Variants in CSMD1 observed in about 807,000 individuals in gnomAD.
CSMD1 encodes CUB and sushi domain-containing protein 1.
Under a neutral mutation model 417.5 loss-of-function variants are expected in CSMD1, and 213 were observed. The observed-to-expected ratio is 0.51, with a 90% CI of 0.46 to 0.57. The LOEUF (loss-of-function observed/expected upper bound fraction) is 0.57. CSMD1 is among the 20% of genes least tolerant of loss of function. CSMD1 has a pLI of 0.00. For missense variants in CSMD1, 6,923 were observed against 4,529.7 expected (o/e 1.53, Z -15.17); for synonymous variants, 2,862 against 1,736.8 (o/e 1.65, Z -16.11).
intron 3 of CSMD1, among the ~76,000 whole-genome samples, chr8:4,277,860 G>C (rs1055465936): frequency 5.9e-5 from 9 of 152,000 alleles, no homozygotes; most frequent in African/African-American, 1.9e-4. Flanking sequence ...CCATTCTCCT[G>C]CCTCAGCCTC....
intron 3 of CSMD1, among the ~76,000 whole-genome samples, chr8:4,250,381 C>G (rs1300979110): frequency 6.6e-6 from 1 of 151,986 alleles, no homozygotes; most frequent in African/African-American, 2.4e-5. Flanking sequence ...GCATAGTGTC[C>G]CCAAGATAAG....
chr8:3,767,662 G>T (rs1269626599), intron 5 of CSMD1, among the ~76,000 whole-genome samples: 1 of 151,918 alleles, frequency 6.6e-6, no homozygotes, highest in Non-Finnish European at 1.5e-5. Context: ...TATGATATAT[G>T]GTATACAAGT....
chr8:4,735,767 G>A (rs1249795606), intron 1 of CSMD1, among the ~76,000 whole-genome samples: 1 of 152,084 alleles, frequency 6.6e-6, no homozygotes, highest in Non-Finnish European at 1.5e-5. Context: ...CTAGTTGTCA[G>A]CCGAGGATTT....
Position 3,523,008 on chromosome 8 carries a change from C to T in CSMD1, c.1345-29282G>A, listed in dbSNP as rs959678839. Among the ~76,000 whole-genome samples, 112 of 112,106 alleles carry T rather than the reference C, an allele frequency of 1.0e-3. 1 individual carries two copies. Among genetic ancestry groups the T allele is most frequent in the African/African-American group, 2.9e-3 (75 of 25,818 alleles). 73.5% of individuals were successfully genotyped at this position (112,106 alleles called of 152,430 possible). A position where few individuals can be genotyped will look rare whatever the true frequency, so the allele number is the denominator to read the frequency against. The stretch of plus-strand genomic sequence containing the variant: ...CATACAAAATGGAGATACATATATA[C>T]ACACACCCACACACACACACACACA... On this transcript the variant is annotated intron_variant, in intron 10 of 69. Coordinates refer to ENST00000635120, the MANE Select transcript of CSMD1 (RefSeq NM_033225.6).
chr8:4,984,774 C>T (rs67446253), intron 1 of CSMD1, among the ~76,000 whole-genome samples: 34,862 of 152,106 alleles, frequency 0.23, 5,088 homozygotes, highest in Non-Finnish European at 0.33. Context: ...GAAAAACCCC[C>T]AGATTCTTGC....
intron 1 of CSMD1, among the ~76,000 whole-genome samples, chr8:4,970,068 CA>C (rs533640390): frequency 1.3e-5 from 2 of 151,996 alleles, no homozygotes; most frequent in Non-Finnish European, 2.9e-5. Flanking sequence ...ACAGAAATGA[CA>C]AAAGTATTCA....
chr8:3,473,753 T>C (rs1251302189), intron 11 of CSMD1, among the ~76,000 whole-genome samples: 2 of 152,134 alleles, frequency 1.3e-5, no homozygotes, highest in Non-Finnish European at 2.9e-5. Context: ...TCTGTATGGG[T>C]GTATCAGTCT....
chr8:4,890,265 G>C (rs1425602153), intron 1 of CSMD1, among the ~76,000 whole-genome samples: 5 of 152,088 alleles, frequency 3.3e-5, no homozygotes, highest in Admixed American at 2.0e-4. Flanking sequence ...GAGTGAATTT[G>C]GTGAGAAACG....
Position 4,372,202 on chromosome 8 carries a change from A to C in CSMD1, c.415+47751T>G, listed in dbSNP as rs79149025. 3.3e-3 allele frequency among the ~76,000 whole-genome samples: 508 copies of C among 152,328 alleles called. 27 individuals are homozygous for C. The East Asian group carries it at 0.085, about 25-fold the overall frequency. ...TATTTTTTTGTCAGTATTAGCCATT[A>C]AGGTATAAGCTAAAGCAGGAAAAAG... On this transcript the variant is annotated intron_variant, in intron 3 of 69. Coordinates refer to ENST00000635120, the MANE Select transcript of CSMD1 (RefSeq NM_033225.6).
chr8:4,145,083 G>A (rs1213558189), intron 3 of CSMD1, among the ~76,000 whole-genome samples: 1 of 151,162 alleles, frequency 6.6e-6, no homozygotes, highest in Admixed American at 6.6e-5. Context: ...ATTTAAGGAT[G>A]TTAAAAATGT....
At chr8:3,848,092 A>AAT (rs1803636802) in intron 5 of CSMD1, among the ~76,000 whole-genome samples, 4 of 105,572 alleles carry the variant, frequency 3.8e-5, no homozygotes, top group Non-Finnish European at 7.6e-5. Flanking sequence ...TCTCTCTCTA[A>AAT]ATATATATAC....
intron 3 of CSMD1, among the ~76,000 whole-genome samples, chr8:4,196,046 C>G (rs1239413841): frequency 6.6e-6 from 1 of 151,952 alleles, no homozygotes; most frequent in Admixed American, 6.6e-5. Context: ...CTCGTCTCTA[C>G]TGAAAATACA....
intron 3 of CSMD1, among the ~76,000 whole-genome samples, chr8:4,162,438 G>C (rs529816007): frequency 8.5e-4 from 130 of 152,242 alleles, no homozygotes; most frequent in African/African-American, 3.0e-3. Flanking sequence ...ATAATAAACA[G>C]AATAGAGGTG....
intron 21 of CSMD1, 44 bp from the exon 22 acceptor site, chr8:3,348,205 A>T: frequency 6.6e-7 from 1 of 1,523,110 alleles, no homozygotes; most frequent in East Asian, 2.3e-5. Flanking sequence ...CAAAAGTGGA[A>T]TTACTGTTTT....
chr8:4,377,301 G>A (rs1802814093), intron 3 of CSMD1, among the ~76,000 whole-genome samples: 1 of 152,140 alleles, frequency 6.6e-6, no homozygotes, highest in African/African-American at 2.4e-5. Context: ...AGGAGGAGAA[G>A]TCACCACAGC....
At chr8:4,494,179 G>C (rs1340353192) in intron 2 of CSMD1, among the ~76,000 whole-genome samples, 1 of 152,138 alleles carries the variant, frequency 6.6e-6, no homozygotes, top group Admixed American at 6.5e-5. Context: ...ATTCCTGTCA[G>C]CCACATAAAT....
chr8:3,304,029 T>G (rs1001573464), intron 25 of CSMD1, among the ~76,000 whole-genome samples: 2 of 152,246 alleles, frequency 1.3e-5, no homozygotes, highest in Non-Finnish European at 2.9e-5. Context: ...GCTCTGGGCC[T>G]CAATGAAATC....
chr8:3,806,897 A>G (rs1253213458), intron 5 of CSMD1, among the ~76,000 whole-genome samples: 2 of 152,160 alleles, frequency 1.3e-5, no homozygotes, highest in Non-Finnish European at 2.9e-5. Context: ...ACTTAATATA[A>G]TTTAATCCAG....
At chr8:4,429,147 GGATT>G (rs1284986024) in intron 2 of CSMD1, among the ~76,000 whole-genome samples, 2 of 150,228 alleles carry the variant, frequency 1.3e-5, no homozygotes, top group African/African-American at 4.9e-5. Flanking sequence ...ATATATAATT[GGATT>G]ATTATATATA....
Sources: allele counts gnomAD v4.1 joint callset (sites outside exome capture counted in the v4.1 genomes callset), GRCh38; gene constraint gnomAD v4.1.1; transcripts MANE v1.5; gene names NCBI Gene and HGNC (gene_info 2026-07-23, HGNC 2026-07-21).